Variants in KHDRBS2 observed in about 807,000 individuals in gnomAD.
The protein encoded by KHDRBS2 is KH RNA binding domain containing, signal transduction associated 2.
Under a neutral mutation model 44.3 loss-of-function variants are expected in KHDRBS2, and 26 were observed. The observed-to-expected ratio is 0.59, with a 90% confidence interval of 0.43 to 0.81. The LOEUF is 0.81. Among genes scored for constraint, KHDRBS2 ranks in the 40% least tolerant of loss-of-function variants. KHDRBS2 has a pLI of 0.00. For synonymous variants in KHDRBS2, 194 were observed against 151.1 expected (o/e 1.28, Z -2.08); for missense variants, 476 against 433.1 (o/e 1.10, Z -0.88).
At chr6:61,950,153 A>G (rs1451136535) in intron 4 of KHDRBS2, among the ~76,000 whole-genome samples, 1 of 152,036 alleles carries the variant, frequency 6.6e-6, no homozygotes, top group Non-Finnish European at 1.5e-5. Flanking sequence ...GACAGCTGAT[A>G]TACTGTAGGA....
At chr6:61,821,401 T>G (rs1315653360) in intron 6 of KHDRBS2, among the ~76,000 whole-genome samples, 1 of 152,014 alleles carries the variant, frequency 6.6e-6, no homozygotes, top group Non-Finnish European at 1.5e-5. Flanking sequence ...TCTGTAGAAC[T>G]TGTGTAATTG....
chr6:61,554,437 A>G, the KHDRBS2 span, among the ~76,000 whole-genome samples: 1 of 151,932 alleles, frequency 6.6e-6, no homozygotes, highest in Non-Finnish European at 1.5e-5. Context: ...ACAACAAACC[A>G]TTTAGTCTTG....
the KHDRBS2 span, among the ~76,000 whole-genome samples, chr6:61,663,291 C>A: frequency 1.4e-5 from 2 of 144,052 alleles, no homozygotes; most frequent in African/African-American, 5.1e-5. Context: ...AGGAGATATA[C>A]CTAATGCTAA....
intron 2 of KHDRBS2, among the ~76,000 whole-genome samples, chr6:62,129,957 T>C (rs779386505): frequency 2.0e-5 from 3 of 152,190 alleles, no homozygotes; most frequent in Non-Finnish European, 4.4e-5. Flanking sequence ...ATTATTTGTA[T>C]ATAATTAGTT....
At chr6:61,915,434 A>G (rs536560998) in intron 4 of KHDRBS2, among the ~76,000 whole-genome samples, 98 of 152,148 alleles carry the variant, frequency 6.4e-4, no homozygotes, top group African/African-American at 2.2e-3. Flanking sequence ...TCGCCATAAG[A>G]TCTTCTCATG....
the KHDRBS2 span, among the ~76,000 whole-genome samples, chr6:61,542,794 C>A: frequency 5.9e-5 from 9 of 151,832 alleles, no homozygotes; most frequent in African/African-American, 9.7e-5. Flanking sequence ...ATATATTCAC[C>A]ACAAAATTCA....
intron 2 of KHDRBS2, among the ~76,000 whole-genome samples, chr6:62,062,791 A>T (rs988046323): frequency 6.7e-6 from 1 of 148,156 alleles, no homozygotes; most frequent in Non-Finnish European, 1.5e-5. Context: ...AGCAGAACTG[A>T]AGGAAATAGA....
chr6:61,923,817 G>A (rs1383788909), intron 4 of KHDRBS2, among the ~76,000 whole-genome samples: 2 of 151,990 alleles, frequency 1.3e-5, no homozygotes, highest in African/African-American at 4.8e-5. Flanking sequence ...CTGGCTAATT[G>A]AACAAGGCAA....
chr6:61,995,780 T>A (rs185573042), intron 3 of KHDRBS2, among the ~76,000 whole-genome samples: 27 of 152,262 alleles, frequency 1.8e-4, no homozygotes, highest in Admixed American at 1.2e-3. Context: ...AAAAATCAGA[T>A]AGTAGTTTAT....
the KHDRBS2 span, among the ~76,000 whole-genome samples, chr6:61,627,029 G>A: frequency 1.3e-5 from 2 of 151,952 alleles, no homozygotes; most frequent in Non-Finnish European, 2.9e-5. Flanking sequence ...CGAGGCGGGA[G>A]GATCACGAGG....
At chr6:61,623,424 T>C in the KHDRBS2 span, among the ~76,000 whole-genome samples, 1 of 152,142 alleles carries the variant, frequency 6.6e-6, no homozygotes, top group Non-Finnish European at 1.5e-5. Flanking sequence ...GAGCCATCTG[T>C]GGCAGAATAA....
intron 4 of KHDRBS2, among the ~76,000 whole-genome samples, chr6:61,919,300 T>C (rs1345249543): frequency 6.6e-6 from 1 of 151,814 alleles, no homozygotes; most frequent in Non-Finnish European, 1.5e-5. Context: ...AAGGAAGACA[T>C]CTGAAGAATC....
the KHDRBS2 span, among the ~76,000 whole-genome samples, chr6:61,610,948 A>G: frequency 2.0e-5 from 3 of 152,214 alleles, no homozygotes; most frequent in African/African-American, 7.2e-5. Context: ...GGTTGTTGGG[A>G]TTTAATACTG....
At chr6:61,801,797 C>T (rs376501964) in intron 6 of KHDRBS2, among the ~76,000 whole-genome samples, 1 of 152,208 alleles carries the variant, frequency 6.6e-6, no homozygotes, top group East Asian at 1.9e-4. Context: ...TATTTCTGGC[C>T]ATTTCTGGAC....
chr6:62,008,140 A>G (rs547902914), intron 3 of KHDRBS2, among the ~76,000 whole-genome samples: 2 of 152,332 alleles, frequency 1.3e-5, no homozygotes, highest in South Asian at 2.1e-4. Context: ...AAAAGTTCTC[A>G]TTAAGGAAGA....
At chr6:61,598,604 T>A in the KHDRBS2 span, among the ~76,000 whole-genome samples, 1 of 152,146 alleles carries the variant, frequency 6.6e-6, no homozygotes, top group Non-Finnish European at 1.5e-5. Flanking sequence ...CCCAAAATAG[T>A]CAAGAGTTAT....
At chr6:61,558,005 T>C in the KHDRBS2 span, among the ~76,000 whole-genome samples, 8 of 152,302 alleles carry the variant, frequency 5.3e-5, no homozygotes, top group East Asian at 1.9e-4. Context: ...TCTGATCTTA[T>C]ATGTTTGGGT....
intron 5 of KHDRBS2, among the ~76,000 whole-genome samples, chr6:61,898,264 A>G (rs1293198028): frequency 1.3e-5 from 2 of 151,682 alleles, no homozygotes; most frequent in Admixed American, 1.3e-4. Flanking sequence ...TTGTAAAGCT[A>G]TTTTCTTTTT....
At chr6:62,204,466 G>T (rs917781170) in intron 1 of KHDRBS2, among the ~76,000 whole-genome samples, 4 of 152,096 alleles carry the variant, frequency 2.6e-5, no homozygotes, top group African/African-American at 9.7e-5. Flanking sequence ...TTTCGGTTTA[G>T]AAATATTTGC....
Sources: allele counts gnomAD v4.1 joint callset (sites outside exome capture counted in the v4.1 genomes callset), GRCh38; gene constraint gnomAD v4.1.1; transcripts MANE v1.5; gene names NCBI Gene and HGNC (gene_info 2026-07-23, HGNC 2026-07-21).